STK40: variants seen among roughly 807,000 people sequenced by gnomAD.
The protein encoded by STK40 is serine/threonine kinase 40.
A neutral mutation model predicts 47.9 loss-of-function variants in STK40; 13 were observed. The observed-to-expected ratio is 0.27, with a 90% CI of 0.18 to 0.43. The LOEUF (loss-of-function observed/expected upper bound fraction) is 0.43, where lower values mean the gene tolerates loss of function less well. Ranked by LOEUF, STK40 falls within the 20% of genes least tolerant of loss-of-function variation. STK40 has a pLI of 1.00. For synonymous variants in STK40, 225 were observed against 243.2 expected, an observed-to-expected ratio of 0.93 and a Z score of 0.69; for missense variants, 460 against 595.1, an observed-to-expected ratio of 0.77 and a Z score of 2.36.
At chr1:36,379,842 G>A (rs1647025328) in intron 1 of STK40, among the ~76,000 whole-genome samples, 1 of 152,172 alleles carries the variant, frequency 6.6e-6, no homozygotes, top group Non-Finnish European at 1.5e-5. Context: ...ATAAAGGATA[G>A]TCTTTGAGGC....
chr1:36,350,185 G>C (rs1646738602), intron 6 of STK40, among the ~76,000 whole-genome samples: 2 of 152,220 alleles, frequency 1.3e-5, no homozygotes, highest in African/African-American at 4.8e-5. Context: ...AGTCTGACTG[G>C]TGGCCCGCAG....
At chr1:36,358,433 CA>C (rs2124736883) in intron 3 of STK40, 51 bp from the exon 4 acceptor site, 1 of 1,562,012 alleles carries the variant, frequency 6.4e-7, no homozygotes, top group African/African-American at 1.4e-5. Context: ...TCACTTTACA[CA>C]GCAGAACAAC....
rs143130232 is a variant in STK40, at chr1:36,345,991, A to ATTTTTTTTTTTTT, written c.740-1740_740-1728dup. Among the ~76,000 whole-genome samples the ATTTTTTTTTTTTT allele has an allele frequency of 4.5e-3, 118 of 26,466 alleles. 10 individuals carry two copies. The highest frequency in any genetic ancestry group is 0.01 in the African/African-American group (75 of 7,144). 17.4% of individuals were successfully genotyped at this position (26,466 alleles called of 152,430 possible). On this transcript the variant is annotated intron_variant, in intron 7 of 10. Coordinates refer to ENST00000373132, the MANE Select transcript of STK40 (RefSeq NM_001282547.2). ...TACATATATATATATATATATATAT[A>ATTTTTTTTTTTTT]TTTTTTTTTTTTTTTTTTCCTGAGA... is the stretch of plus-strand genomic sequence containing the variant.
intron 1 of STK40, among the ~76,000 whole-genome samples, chr1:36,365,477 C>A (rs1396040579): frequency 6.6e-6 from 1 of 152,236 alleles, no homozygotes; most frequent in African/African-American, 2.4e-5. Context: ...TCACTGAGCC[C>A]CAACAGTCCC....
In STK40 at chr1:36,340,752, C is replaced by G. The variant is rs1392896478; in HGVS notation, c.*1003G>C. ...GGGTCTACCGGGAGAGTCACCACAT[C>G]TATTATGAGGCAAGGGCACTGGGAT... On this transcript the variant is annotated 3_prime_UTR_variant, in exon 11 of 11. Transcript: ENST00000373132. 2.0e-5 allele frequency: 3 copies of G among 152,530 alleles called. No homozygotes were observed. The highest frequency in any genetic ancestry group is 4.4e-5 in the Non-Finnish European group (3 of 68,092). The allele number at this position is 152,530 out of a possible 1,614,324, so 9.4% of individuals were successfully genotyped here.
intron 1 of STK40, among the ~76,000 whole-genome samples, chr1:36,374,854 A>G (rs890992784): frequency 6.6e-6 from 1 of 152,178 alleles, no homozygotes; most frequent in Non-Finnish European, 1.5e-5. Context: ...GGAGATTGCA[A>G]CAAGGGAGGT....
chr1:36,349,164 C>T (rs754786289), intron 6 of STK40, among the ~76,000 whole-genome samples: 2 of 152,194 alleles, frequency 1.3e-5, no homozygotes, highest in African/African-American at 2.4e-5. Context: ...AACAGCCTCA[C>T]GTAATATTCT....
At chr1:36,357,757 C>T (rs1250089311) in intron 4 of STK40, among the ~76,000 whole-genome samples, 1 of 152,154 alleles carries the variant, frequency 6.6e-6, no homozygotes, top group Non-Finnish European at 1.5e-5. Flanking sequence ...GCTGGGACTA[C>T]AGGTGTGCGC....
At chr1:36,348,649 G>A (rs918047416) in intron 7 of STK40, 51 bp downstream of exon 7, 2 of 1,532,168 alleles carry the variant, frequency 1.3e-6, no homozygotes, top group Non-Finnish European at 1.8e-6. Flanking sequence ...GACTGTCACA[G>A]AGCCTGGCTG....
intron 1 of STK40, among the ~76,000 whole-genome samples, chr1:36,381,071 T>G (rs1317859615): frequency 6.6e-6 from 1 of 151,954 alleles, no homozygotes; most frequent in Non-Finnish European, 1.5e-5. Context: ...CCAGTTGATT[T>G]CCCCCCAAAC....
chr1:36,354,253 T>G, intron 6 of STK40, 111 bp downstream of exon 6: 1 of 1,150,390 alleles, frequency 8.7e-7, no homozygotes, highest in Non-Finnish European at 1.3e-6. Context: ...AGGAAGTGGG[T>G]TGTTTTGAGT....
At chr1:36,372,357 G>A (rs1051225059) in intron 1 of STK40, among the ~76,000 whole-genome samples, 1 of 146,136 alleles carries the variant, frequency 6.8e-6, no homozygotes, top group Non-Finnish European at 1.5e-5. Flanking sequence ...TTGAGCGCAG[G>A]AGTTTGAGGC....
intron 6 of STK40, among the ~76,000 whole-genome samples, chr1:36,349,038 G>A (rs1323110454): frequency 6.6e-6 from 1 of 152,234 alleles, no homozygotes; most frequent in African/African-American, 2.4e-5. Context: ...TCCCAGCAGG[G>A]ATCGGCTTCT....
In STK40 at chr1:36,354,319, C is replaced by T. The variant is rs749986527; in HGVS notation, c.623+45G>A. Reference sequence around the variant, plus strand: ...TGGAGAGTTGCAATGTGTAGCCTGCCCCAGCCCCGGGGTAACTGTATGGAT... The same window carrying T: ...TGGAGAGTTGCAATGTGTAGCCTGCTCCAGCCCCGGGGTAACTGTATGGAT... On this transcript the variant is annotated intron_variant, in intron 6 of 10. Transcript: ENST00000373132. 3 of 1,609,456 alleles carry T rather than the reference C, an allele frequency of 1.9e-6. No homozygotes were observed. In the Admixed American group the frequency reaches 5.0e-5, roughly 27 times the overall value.
At chr1:36,381,534 G>A (rs1295366918) in intron 1 of STK40, among the ~76,000 whole-genome samples, 1 of 152,178 alleles carries the variant, frequency 6.6e-6, no homozygotes. Flanking sequence ...AGGCTCGAGT[G>A]CAGTGGTGTG....
intron 1 of STK40, among the ~76,000 whole-genome samples, chr1:36,367,371 G>A (rs956410373): frequency 9.9e-5 from 15 of 152,224 alleles, no homozygotes; most frequent in African/African-American, 3.4e-4. Context: ...GGGCCTCAGT[G>A]TGAGAGGGCC....
intron 7 of STK40, among the ~76,000 whole-genome samples, chr1:36,345,522 G>C (rs1165311087): frequency 6.6e-6 from 1 of 152,146 alleles, no homozygotes; most frequent in African/African-American, 2.4e-5. Context: ...TGTCATCCTA[G>C]GCTCTTTCCA....
chr1:36,381,173 A>G (rs1194754442), intron 1 of STK40, among the ~76,000 whole-genome samples: 1 of 152,088 alleles, frequency 6.6e-6, no homozygotes, highest in Non-Finnish European at 1.5e-5. Context: ...ACAGCCTCCT[A>G]TGGGGACTCC....
intron 1 of STK40, among the ~76,000 whole-genome samples, chr1:36,370,203 A>C (rs6690378): frequency 0.2 from 30,185 of 152,248 alleles, 4,206 homozygotes; most frequent in African/African-American, 0.39. Flanking sequence ...AAGAATTAAA[A>C]CTGTTCATAA....
Sources: allele counts gnomAD v4.1 joint callset (sites outside exome capture counted in the v4.1 genomes callset), GRCh38; gene constraint gnomAD v4.1.1; transcripts MANE v1.5; gene names NCBI Gene and HGNC (gene_info 2026-07-23, HGNC 2026-07-21).